The following FAM171B variants were observed in gnomAD, a reference collection of about 807,000 sequenced individuals.
FAM171B encodes protein FAM171B.
In FAM171B, 19 loss-of-function variants were observed where a neutral mutation model predicts 75.6. The ratio of observed to expected loss-of-function variants is 0.25; its 90% CI spans 0.18 to 0.37. The LOEUF (loss-of-function observed/expected upper bound fraction) is 0.37, where lower values mean the gene tolerates loss of function less well. FAM171B is among the 10% of genes least tolerant of loss of function. The probability of loss-of-function intolerance (pLI) is 1.00; values close to 1 mark genes in which losing one functional copy is unlikely to be tolerated. For synonymous variants in FAM171B, 367 were observed against 361.7 expected (o/e 1.01, Z -0.17); for missense variants, 848 against 982.4 (o/e 0.86, Z 1.83).
At chr2:186,700,238 G>GT (rs371777426) in intron 1 of FAM171B, among the ~76,000 whole-genome samples, 1,761 of 145,202 alleles carry the variant, frequency 0.012, 35 homozygotes, top group Non-Finnish European at 0.017. Context: ...ACTGAGTTTT[G>GT]TTTTTTTTTT....
rs780746747 is a variant in FAM171B, at chr2:186,752,055, T to A, written c.895+751T>A. 2.0e-5 allele frequency among the ~76,000 whole-genome samples: 3 copies of A among 152,162 alleles called. No individual in the cohort carries two copies. The East Asian group carries it at 5.8e-4, about 29-fold the overall frequency. On this transcript the variant is annotated intron_variant, in intron 5 of 7. Transcript: ENST00000304698. Reference sequence around the variant, plus strand: ...TCTAGGATGGGATTTCCCTTCAGACTGACAAGAAGGCTGTAGGTGCTCTAA... The same window carrying A: ...TCTAGGATGGGATTTCCCTTCAGACAGACAAGAAGGCTGTAGGTGCTCTAA...
intron 2 of FAM171B, among the ~76,000 whole-genome samples, chr2:186,740,807 A>T (rs958107393): frequency 6.6e-6 from 1 of 152,186 alleles, no homozygotes; most frequent in African/African-American, 2.4e-5. Context: ...AGAATGGGCA[A>T]ACAAGTTCTC....
intron 6 of FAM171B, 53 bp from the exon 7 acceptor site, chr2:186,761,060 T>C (rs1238159175): frequency 3.8e-6 from 6 of 1,560,896 alleles, no homozygotes; most frequent in Non-Finnish European, 5.2e-6. Flanking sequence ...GTGACATAGT[T>C]GAGAATTTGA....
chr2:186,712,874 A>C (rs998863116), intron 1 of FAM171B, among the ~76,000 whole-genome samples: 1 of 152,184 alleles, frequency 6.6e-6, no homozygotes, highest in Non-Finnish European at 1.5e-5. Context: ...TTTCCTCCTC[A>C]AAATACTGCC....
rs917576768 is a variant in FAM171B, at chr2:186,763,019, T to A, written c.*196T>A. The A allele has an allele frequency of 1.6e-6, 1 of 619,728 alleles. No homozygotes were observed. The highest frequency in any genetic ancestry group is 3.0e-5 in the East Asian group (1 of 32,864). The allele number at this position is 619,728 out of a possible 1,614,324, so 38.4% of individuals were successfully genotyped here. ...CTTTTTCTGGCCTATTCATTTATTT[T>A]TGGGTGATGAATTTACAGTATCTAA... On this transcript the variant is annotated 3_prime_UTR_variant, in exon 8 of 8. Transcript: ENST00000304698.
At chr2:186,737,950 C>T (rs556695605) in intron 1 of FAM171B, among the ~76,000 whole-genome samples, 2 of 152,346 alleles carry the variant, frequency 1.3e-5, no homozygotes, top group South Asian at 2.1e-4. Context: ...CGCGCCTGCT[C>T]AGATCCCACA....
rs914505698 is a variant in FAM171B, at chr2:186,701,263, A to G, written c.238+6852A>G. On this transcript the variant is annotated intron_variant, in intron 1 of 7. Coordinates refer to ENST00000304698, the MANE Select transcript of FAM171B (RefSeq NM_177454.4). ...GTACATATTATATTATAACAACATG[A>G]TATTTTAATAGGCTTATACATAGTG... is the stretch of plus-strand genomic sequence containing the variant. 3.3e-5 allele frequency among the ~76,000 whole-genome samples: 5 copies of G among 152,146 alleles called. No homozygotes were observed. In the East Asian group the frequency reaches 7.7e-4, roughly 23 times the overall value.
chr2:186,701,992 ACTAT>A (rs1689668679), intron 1 of FAM171B, among the ~76,000 whole-genome samples: 1 of 152,240 alleles, frequency 6.6e-6, no homozygotes, highest in South Asian at 2.1e-4. Context: ...AAATGGATAC[ACTAT>A]TTTGTATGTG....
At chr2:186,737,902 G>A (rs771778539) in intron 1 of FAM171B, among the ~76,000 whole-genome samples, 5 of 152,218 alleles carry the variant, frequency 3.3e-5, no homozygotes, top group Non-Finnish European at 5.9e-5. Context: ...AGCTGCCTCC[G>A]TCTGGGTGTT....
intron 3 of FAM171B, among the ~76,000 whole-genome samples, chr2:186,745,490 T>C (rs1056224367): frequency 6.6e-6 from 1 of 152,244 alleles, no homozygotes; most frequent in African/African-American, 2.4e-5. Flanking sequence ...CTGTGAGTCC[T>C]CTTGAATTCT....
intron 1 of FAM171B, among the ~76,000 whole-genome samples, chr2:186,707,841 T>TAA (rs11352829): frequency 3.5e-5 from 5 of 144,282 alleles, no homozygotes; most frequent in African/African-American, 1.3e-4. Context: ...TTTTTTTTTT[T>TAA]AAAAAAAAAA....
At chr2:186,720,643 T>C (rs1369916737) in intron 1 of FAM171B, among the ~76,000 whole-genome samples, 3 of 151,316 alleles carry the variant, frequency 2.0e-5, no homozygotes, top group Non-Finnish European at 4.4e-5. Context: ...TTAGGAAATA[T>C]TTTTATTTTT....
intron 5 of FAM171B, among the ~76,000 whole-genome samples, chr2:186,752,052 G>A (rs1393952821): frequency 6.6e-6 from 1 of 152,122 alleles, no homozygotes; most frequent in Non-Finnish European, 1.5e-5. Flanking sequence ...TTTCCCTTCA[G>A]ACTGACAAGA....
At chr2:186,733,665 G>T (rs1051984261) in intron 1 of FAM171B, among the ~76,000 whole-genome samples, 1 of 152,180 alleles carries the variant, frequency 6.6e-6, no homozygotes, top group African/African-American at 2.4e-5. Context: ...TGAGTGGGGG[G>T]TGTGTGAATG....
chr2:186,759,590 A>G (rs1403553292), intron 6 of FAM171B, among the ~76,000 whole-genome samples: 2 of 152,090 alleles, frequency 1.3e-5, no homozygotes, highest in Admixed American at 6.6e-5. Context: ...CTCTGATCAA[A>G]TATGTTGAGC....
At chr2:186,729,773 A>T (rs913633136) in intron 1 of FAM171B, among the ~76,000 whole-genome samples, 3 of 152,166 alleles carry the variant, frequency 2.0e-5, no homozygotes, top group Non-Finnish European at 2.9e-5. Context: ...GAGTCAGTGA[A>T]TGAGAATTTC....
chr2:186,694,125 G>A lies in FAM171B; in HGVS notation c.-49G>A. 11 of 1,435,990 alleles carry A rather than the reference G, an allele frequency of 7.7e-6. No individual in the cohort carries two copies. The highest frequency in any genetic ancestry group is 2.7e-5 in the East Asian group (1 of 36,624). 89.0% of individuals were successfully genotyped at this position (1,435,990 alleles called of 1,614,324 possible). ...GGAGCCCGCAGCCCTGGCGCCCGCC[G>A]CCGCCCGGAGCCCCGCAATATGCCG... On this transcript the variant is annotated 5_prime_UTR_variant, in exon 1 of 8. Transcript: ENST00000304698.
At chr2:186,719,903 A>C (rs1689927436) in intron 1 of FAM171B, among the ~76,000 whole-genome samples, 1 of 152,264 alleles carries the variant, frequency 6.6e-6, no homozygotes, top group South Asian at 2.1e-4. Context: ...AATTAGGTCT[A>C]AACATACAGT....
At position 186,740,387 on chromosome 2, in the gene FAM171B, T is replaced by A. The variant is rs1329873384; in HGVS notation, c.398T>A (p.Leu133His). The part of the protein sequence containing the change: ...VLIKVPYKLG[L>H]SLTIIAYKDG... ...ATAAAAGTACCCTACAAATTAGGAC[T>A]TAGTTTAACTATTATTGCTTACAAA... is the stretch of plus-strand genomic sequence containing the variant. The change falls in exon 2 of 8, where the codon CTT becomes CAT. Residue 133 changes from leucine (L) to histidine (H), a missense_variant. By Grantham distance (99) the Leu-to-His change is moderately conservative. This residue lies in a region of FAM171B where 665 missense variants were observed against 729.0 expected (regional missense o/e 0.91). Transcript: ENST00000304698. The A allele has an allele frequency of 4.3e-6, 7 of 1,614,090 alleles. No individual in the cohort carries two copies. The highest frequency in any genetic ancestry group is 4.5e-5 in the East Asian group (2 of 44,868).
Sources: gnomAD v4.1 joint callset for allele counts (sites outside exome capture counted in the v4.1 genomes callset) on GRCh38, gnomAD v4.1.1 for gene constraint, gnomAD v4.1.1 regional missense constraint, MANE v1.5 for transcripts, NCBI Gene and HGNC (gene_info 2026-07-23, HGNC 2026-07-21) for gene names.